Variants in MGRN1 observed in about 807,000 individuals in gnomAD.
The protein encoded by MGRN1 is E3 ubiquitin-protein ligase MGRN1.
Under a neutral mutation model 69.2 loss-of-function variants are expected in MGRN1, and 29 were observed. The observed-to-expected ratio is 0.42, with a 90% CI of 0.31 to 0.57. The LOEUF (loss-of-function observed/expected upper bound fraction) is 0.57. Ranked by LOEUF, MGRN1 falls within the 20% of genes least tolerant of loss-of-function variation. The probability of loss-of-function intolerance (pLI) is 0.15; values close to 1 mark genes in which losing one functional copy is unlikely to be tolerated. For missense variants in MGRN1, 998 were observed against 796.2 expected (o/e 1.25, Z -3.05); for synonymous variants, 470 against 344.2 (o/e 1.37, Z -4.04).
chr16:4,685,294 G>A (rs1302269871), intron 16 of MGRN1, among the ~76,000 whole-genome samples: 3 of 152,256 alleles, frequency 2.0e-5, no homozygotes, highest in Non-Finnish European at 2.9e-5. Flanking sequence ...CCCTGTGGGG[G>A]AGCATCTCAG....
At chr16:4,651,939 G>A (rs2078417347) in intron 2 of MGRN1, 24 bp from the exon 3 acceptor site, 1 of 1,610,854 alleles carries the variant, frequency 6.2e-7, no homozygotes, top group African/African-American at 1.3e-5. Context: ...GGAGTCACCT[G>A]GGGCCCTGTG....
At chr16:4,688,722 C>G in intron 16 of MGRN1, 74 bp from the exon 17 acceptor site, 1 of 1,483,208 alleles carries the variant, frequency 6.7e-7, no homozygotes, top group Non-Finnish European at 9.0e-7. Context: ...CTCTGGGGCT[C>G]CAGATCGGTA....
chr16:4,686,703 A>G, intron 16 of MGRN1: 1 of 1,027,160 alleles, frequency 9.7e-7, no homozygotes, highest in African/African-American at 1.7e-5. Context: ...CCCCAGGGAG[A>G]CATGGGGTGA....
intron 14 of MGRN1, 54 bp downstream of exon 14, chr16:4,683,000 G>C (rs2079223664): frequency 6.7e-7 from 1 of 1,495,086 alleles, no homozygotes; most frequent in African/African-American, 1.4e-5. Context: ...CCCTCCTCCA[G>C]CTTCTGTCGC....
intron 5 of MGRN1, among the ~76,000 whole-genome samples, chr16:4,661,839 G>T (rs2078688902): frequency 6.6e-6 from 1 of 152,248 alleles, no homozygotes; most frequent in Admixed American, 6.5e-5. Context: ...GGTTTGTTCA[G>T]CAGATGGCTG....
intron 16 of MGRN1, chr16:4,687,506 C>G (rs1238674131): frequency 9.2e-6 from 9 of 981,116 alleles, no homozygotes; most frequent in Non-Finnish European, 1.1e-5. Context: ...GAGACGCTGT[C>G]TCAATAAAAA....
Position 4,652,769 on chromosome 16 carries a change from G to A in MGRN1, c.388G>A (p.Val130Met), listed in dbSNP as rs781100866. ...LEFTFDADARVAITIYCQASE... is the reference protein window; with the variant it reads ...LEFTFDADARMAITIYCQASE... Reference sequence around the variant, plus strand: ...GTTCACCTTCGACGCCGATGCCCGCGTGGCCATCACCATCTACTGCCAGGC... The same window carrying A: ...GTTCACCTTCGACGCCGATGCCCGCATGGCCATCACCATCTACTGCCAGGC... Residue 130 changes from valine (V) to methionine (M), a missense_variant, in exon 4 of 17, where the codon GTG becomes ATG. Coordinates refer to ENST00000262370, the MANE Select transcript of MGRN1 (RefSeq NM_015246.4). The A allele has an allele frequency of 1.3e-5, 21 of 1,611,916 alleles. No homozygotes were observed. Among genetic ancestry groups the A allele is most frequent in the African/African-American group, 2.7e-5 (2 of 74,894 alleles).
Position 4,666,543 on chromosome 16 carries a change from A to T in MGRN1, c.678+1392A>T, listed in dbSNP as rs377565400. Among the ~76,000 whole-genome samples, 20 of 152,332 alleles carry T rather than the reference A, an allele frequency of 1.3e-4. No homozygotes were observed. In the East Asian group the frequency reaches 3.1e-3, roughly 24 times the overall value. ...TGCCATGCCACGGGCTGGGGCTCCC[A>T]CAAGGAGGGCTGTCTGCGGTAGACT... On this transcript the variant is annotated intron_variant, in intron 7 of 16. Transcript: ENST00000262370.
intron 1 of MGRN1, among the ~76,000 whole-genome samples, chr16:4,632,007 C>CTGTTTCTTTTTT (rs1898029634): frequency 1.5e-5 from 1 of 64,838 alleles, no homozygotes; most frequent in African/African-American, 6.9e-5. Context: ...AAAAAATTTC[C>CTGTTTCTTTTTT]TTTTTTTTTT....
chr16:4,657,104 G>T, intron 4 of MGRN1, 142 bp from the exon 5 acceptor site: 2 of 758,006 alleles, frequency 2.6e-6, no homozygotes, highest in Non-Finnish European at 4.4e-6. Flanking sequence ...ACGTGGCCAT[G>T]TAGGCTGTTT....
At chr16:4,667,238 T>C (rs935285812) in intron 7 of MGRN1, among the ~76,000 whole-genome samples, 1 of 152,208 alleles carries the variant, frequency 6.6e-6, no homozygotes, top group African/African-American at 2.4e-5. Flanking sequence ...GTCCAGCTCT[T>C]ACCTGTGATC....
chr16:4,657,579 A>G (rs1394347109), intron 5 of MGRN1, among the ~76,000 whole-genome samples: 1 of 152,176 alleles, frequency 6.6e-6, no homozygotes, highest in Non-Finnish European at 1.5e-5. Context: ...GAGGCCGACC[A>G]GGCAGCCGCA....
At chr16:4,651,638 G>C (rs1037377125) in intron 2 of MGRN1, among the ~76,000 whole-genome samples, 1 of 152,118 alleles carries the variant, frequency 6.6e-6, no homozygotes, top group Non-Finnish European at 1.5e-5. Flanking sequence ...GACTGAGGAA[G>C]GGGCTGAGGG....
At chr16:4,638,755 G>A (rs2078088592) in intron 1 of MGRN1, among the ~76,000 whole-genome samples, 1 of 152,234 alleles carries the variant, frequency 6.6e-6, no homozygotes, top group Non-Finnish European at 1.5e-5. Context: ...TGTCCTGTTA[G>A]AACACGAGGA....
chr16:4,642,501 T>TGTGTGTGTGTGTGTGTGTGTGTG (rs1377829789), intron 1 of MGRN1, among the ~76,000 whole-genome samples: 3 of 151,082 alleles, frequency 2.0e-5, no homozygotes, highest in African/African-American at 7.3e-5. Flanking sequence ...TGTGTGTGTG[T>TGTGTGTGTGTGTGTGTGTGTGTG]TTTTAGTAGA....
At chr16:4,688,283 C>T in intron 16 of MGRN1, 3 of 986,226 alleles carry the variant, frequency 3.0e-6, no homozygotes, top group Non-Finnish European at 3.6e-6. Context: ...GTGCAGGCCA[C>T]AGTCTGGGCA....
At chr16:4,650,525 G>A (rs775147684) in intron 2 of MGRN1, 42 bp downstream of exon 2, 3 of 1,484,042 alleles carry the variant, frequency 2.0e-6, no homozygotes, top group Non-Finnish European at 2.8e-6. Flanking sequence ...GTGGGGGTGG[G>A]AGGCCCCTGT....
intron 16 of MGRN1, chr16:4,687,663 T>C (rs2141992936): frequency 3.1e-6 from 3 of 981,002 alleles, no homozygotes; most frequent in Non-Finnish European, 3.6e-6. Context: ...GGCAGACGGA[T>C]TGGGGACCCT....
At chr16:4,663,463 A>G (rs570825400) in intron 5 of MGRN1, among the ~76,000 whole-genome samples, 2 of 135,766 alleles carry the variant, frequency 1.5e-5, no homozygotes, top group South Asian at 2.4e-4. Context: ...GCTGGCTTTT[A>G]GAATGCTCAC....
Sources: allele counts gnomAD v4.1 joint callset (sites outside exome capture counted in the v4.1 genomes callset), GRCh38; gene constraint gnomAD v4.1.1; transcripts MANE v1.5; gene names NCBI Gene and HGNC (gene_info 2026-07-23, HGNC 2026-07-21).